Variants in HYCC2 observed in about 807,000 individuals in gnomAD.
HYCC2 encodes the protein hyccin 2.
chr2:200,995,449 TAA>T, the HYCC2 span, among the ~76,000 whole-genome samples: 1 of 152,186 alleles, frequency 6.6e-6, no homozygotes, highest in African/African-American at 2.4e-5. Context: ...ACCAGCAGAA[TAA>T]GGCAAAGGTG....
At chr2:201,036,457 C>A in the HYCC2 span, among the ~76,000 whole-genome samples, 1 of 152,148 alleles carries the variant, frequency 6.6e-6, no homozygotes, top group Non-Finnish European at 1.5e-5. Context: ...AAATTTTAGA[C>A]CAATATCCCT....
the HYCC2 span, among the ~76,000 whole-genome samples, chr2:201,004,899 C>T: frequency 6.6e-5 from 10 of 151,926 alleles, no homozygotes; most frequent in Non-Finnish European, 1.0e-4. Flanking sequence ...CGCCTGTAGT[C>T]CCAGCTACTT....
the HYCC2 span, among the ~76,000 whole-genome samples, chr2:201,064,723 T>C: frequency 1.1e-4 from 17 of 152,340 alleles, no homozygotes; most frequent in Admixed American, 1.0e-3. Context: ...TATCATCCAT[T>C]ATCATGTGTA....
At chr2:201,041,618 G>A in the HYCC2 span, among the ~76,000 whole-genome samples, 3 of 152,066 alleles carry the variant, frequency 2.0e-5, no homozygotes, top group Non-Finnish European at 2.9e-5. Context: ...CTAGAACTTC[G>A]GGGTTTGTAA....
At chr2:201,064,153 G>C in the HYCC2 span, 1 of 879,006 alleles carries the variant, frequency 1.1e-6, no homozygotes, top group Non-Finnish European at 1.8e-6. Flanking sequence ...TGGTGGCAGG[G>C]CCTAGCTGCT....
chr2:201,005,802 A>AT, the HYCC2 span, among the ~76,000 whole-genome samples: 1 of 151,900 alleles, frequency 6.6e-6, no homozygotes, highest in African/African-American at 2.4e-5. Flanking sequence ...AGTAGCTGAG[A>AT]TTTTTTATTT....
At chr2:201,039,529 G>A in the HYCC2 span, among the ~76,000 whole-genome samples, 1 of 152,142 alleles carries the variant, frequency 6.6e-6, no homozygotes, top group African/African-American at 2.4e-5. Context: ...ACCTTGCCAA[G>A]GTTTGATATA....
At chr2:201,070,352 T>G in the HYCC2 span, among the ~76,000 whole-genome samples, 55 of 152,298 alleles carry the variant, frequency 3.6e-4, no homozygotes, top group South Asian at 1.0e-3. Context: ...AACAAACTAC[T>G]TAAAAGTTGA....
At chr2:201,031,008 T>A in the HYCC2 span, among the ~76,000 whole-genome samples, 2 of 152,224 alleles carry the variant, frequency 1.3e-5, no homozygotes, top group Non-Finnish European at 2.9e-5. Context: ...AACACCCTTA[T>A]ACATATTTGT....
chr2:201,022,993 T>C, the HYCC2 span: 5 of 1,095,144 alleles, frequency 4.6e-6, no homozygotes, highest in South Asian at 6.6e-5. Context: ...AACTTTATTT[T>C]ACACAAATAG....
chr2:201,031,025 GTGT>G, the HYCC2 span, among the ~76,000 whole-genome samples: 29 of 152,188 alleles, frequency 1.9e-4, 1 homozygote, highest in South Asian at 3.3e-3. Flanking sequence ...TTGTGCATTT[GTGT>G]TGTTGTCTTC....
the HYCC2 span, among the ~76,000 whole-genome samples, chr2:201,036,226 G>C: frequency 1.3e-5 from 2 of 152,116 alleles, no homozygotes; most frequent in Non-Finnish European, 2.9e-5. Context: ...ACCAATAACA[G>C]GCTCTGAAAT....
the HYCC2 span, chr2:201,021,880 A>G: frequency 3.7e-5 from 14 of 375,886 alleles, no homozygotes; most frequent in African/African-American, 2.7e-4. Flanking sequence ...AATACACTGC[A>G]AGAGAAAAAG....
chr2:201,061,066 G>T, the HYCC2 span, among the ~76,000 whole-genome samples: 26 of 147,692 alleles, frequency 1.8e-4, no homozygotes, highest in African/African-American at 6.6e-4. Flanking sequence ...AAAATAAATA[G>T]TTTATCAAAA....
the HYCC2 span, among the ~76,000 whole-genome samples, chr2:201,068,518 T>TA: frequency 6.6e-6 from 1 of 152,114 alleles, no homozygotes; most frequent in Non-Finnish European, 1.5e-5. Context: ...GTTTCCAAAA[T>TA]ACATCTACCC....
chr2:200,988,577 T>C, the HYCC2 span, among the ~76,000 whole-genome samples: 1 of 152,330 alleles, frequency 6.6e-6, no homozygotes. Flanking sequence ...AAGCAGGCTT[T>C]TCAAATGAGA....
At chr2:201,022,943 C>T in the HYCC2 span, 1 of 1,573,046 alleles carries the variant, frequency 6.4e-7, no homozygotes, top group Non-Finnish European at 8.7e-7. Flanking sequence ...CTAAAAGAAA[C>T]CACCAAAGGA....
chr2:201,055,019 C>T, the HYCC2 span, among the ~76,000 whole-genome samples: 5 of 151,976 alleles, frequency 3.3e-5, no homozygotes, highest in African/African-American at 9.7e-5. Context: ...ATGTTTAAAG[C>T]GGTTGGTATT....
chr2:201,014,248 A>G, the HYCC2 span, among the ~76,000 whole-genome samples: 1 of 152,242 alleles, frequency 6.6e-6, no homozygotes, highest in Non-Finnish European at 1.5e-5. Flanking sequence ...AGCATAATCT[A>G]AAACACCAAA....
Sources: allele counts gnomAD v4.1 joint callset (sites outside exome capture counted in the v4.1 genomes callset), GRCh38; gene constraint gnomAD v4.1.1; transcripts MANE v1.5; gene names NCBI Gene and HGNC (gene_info 2026-07-23, HGNC 2026-07-21).